The following FGF14 variants were observed in gnomAD, a reference collection of about 807,000 sequenced individuals.
FGF14 encodes fibroblast growth factor homologous factor 4.
Under a neutral mutation model 25.5 loss-of-function variants are expected in FGF14, and 5 were observed. The observed-to-expected ratio is 0.20, with a 90% CI of 0.10 to 0.41. FGF14 has a LOEUF of 0.41. Among genes scored for constraint, FGF14 ranks in the 10% least tolerant of loss-of-function variants. FGF14 has a pLI of 1.00. For synonymous variants in FGF14, 138 were observed against 118.3 expected (o/e 1.17, Z -1.08); for missense variants, 222 against 320.1 (o/e 0.69, Z 2.34).
At chr13:101,851,681 G>T (rs191489807) in intron 3 of FGF14, among the ~76,000 whole-genome samples, 3 of 151,846 alleles carry the variant, frequency 2.0e-5, no homozygotes, top group Admixed American at 1.3e-4. Context: ...CCTCCTCCTC[G>T]TCGTCTTCAT....
intron 1 of FGF14, among the ~76,000 whole-genome samples, chr13:102,001,750 A>C (rs1016321974): frequency 3.3e-5 from 5 of 152,220 alleles, no homozygotes; most frequent in African/African-American, 1.2e-4. Context: ...CTGTCAAGGA[A>C]ATAACATCTA....
intron 3 of FGF14, among the ~76,000 whole-genome samples, chr13:101,737,822 C>A (rs1026031104): frequency 3.3e-5 from 5 of 151,984 alleles, no homozygotes; most frequent in Non-Finnish European, 7.4e-5. Context: ...TTAAATTAGA[C>A]CTTTATATCA....
intron 1 of FGF14, among the ~76,000 whole-genome samples, chr13:102,171,825 G>A (rs1003637920): frequency 2.0e-5 from 3 of 151,322 alleles, no homozygotes; most frequent in Non-Finnish European, 4.4e-5. Flanking sequence ...ACACTCATGA[G>A]TTGGACATTG....
At chr13:102,129,374 T>C (rs879813308) in intron 1 of FGF14, among the ~76,000 whole-genome samples, 3 of 152,154 alleles carry the variant, frequency 2.0e-5, no homozygotes, top group Admixed American at 1.3e-4. Context: ...ATTAATAAAT[T>C]TGATGTGATA....
intron 3 of FGF14, among the ~76,000 whole-genome samples, chr13:101,730,304 GTA>G (rs372611559): frequency 8.1e-4 from 123 of 152,282 alleles, no homozygotes; most frequent in African/African-American, 2.8e-3. Context: ...TAGCACATGA[GTA>G]TATGTGTGTT....
chr13:102,039,342 C>T (rs75878267), intron 1 of FGF14, among the ~76,000 whole-genome samples: 4,594 of 152,162 alleles, frequency 0.03, 224 homozygotes, highest in African/African-American at 0.097. Flanking sequence ...CCACAGCTTC[C>T]GAGTGGGTCT....
chr13:102,008,305 CTTA>C (rs2039908306), intron 1 of FGF14, among the ~76,000 whole-genome samples: 1 of 152,118 alleles, frequency 6.6e-6, no homozygotes, highest in Non-Finnish European at 1.5e-5. Context: ...TACTAAATTT[CTTA>C]TTATTTCCCA....
rs1471245963 is a variant in FGF14 at position 102,401,375 on chromosome 13, C to T, written c.208+96G>A. ...CTGTCCTGGTTCCTGGTATGTTTCC[C>T]CTGCCTTCCTGCATAGCAGAACTGC... On this transcript the variant is annotated intron_variant, in intron 1 of 4. Coordinates refer to the FGF14 transcript ENST00000376131. The T allele has an allele frequency of 2.8e-5, 33 of 1,167,156 alleles. 1 individual carries two copies. In the South Asian group the frequency reaches 3.0e-4, roughly 11 times the overall value. 72.3% of individuals were successfully genotyped at this position (1,167,156 alleles called of 1,614,324 possible).
intron 3 of FGF14, among the ~76,000 whole-genome samples, chr13:101,763,708 A>G (rs2038197972): frequency 6.6e-6 from 1 of 152,094 alleles, no homozygotes; most frequent in African/African-American, 2.4e-5. Context: ...GAAAATACAA[A>G]AACTAGCCAG....
At chr13:102,109,496 A>G (rs2045107699) in intron 1 of FGF14, among the ~76,000 whole-genome samples, 1 of 152,214 alleles carries the variant, frequency 6.6e-6, no homozygotes, top group Non-Finnish European at 1.5e-5. Flanking sequence ...GTGTATATAT[A>G]TCAAAACACC....
intron 3 of FGF14, among the ~76,000 whole-genome samples, chr13:101,819,696 T>A (rs541466660): frequency 1.3e-5 from 2 of 152,356 alleles, no homozygotes; most frequent in South Asian, 4.1e-4. Flanking sequence ...TTTCTAGCAA[T>A]GATACTCATT....
intron 1 of FGF14, among the ~76,000 whole-genome samples, chr13:102,135,300 T>C (rs960875452): frequency 2.6e-5 from 4 of 152,084 alleles, no homozygotes; most frequent in East Asian, 1.9e-4. Context: ...GAACACAGCA[T>C]TGTCTCCTCT....
chr13:101,966,777 G>A (rs2037230017), intron 1 of FGF14, among the ~76,000 whole-genome samples: 1 of 152,052 alleles, frequency 6.6e-6, no homozygotes, highest in African/African-American at 2.4e-5. Flanking sequence ...CACCGCGCCT[G>A]GCCAAATCAT....
intron 1 of FGF14, among the ~76,000 whole-genome samples, chr13:102,282,212 A>G (rs1364056958): frequency 4.6e-5 from 7 of 152,096 alleles, no homozygotes; most frequent in South Asian, 4.2e-4. Context: ...GATTACAGGC[A>G]TGCACTACCA....
At chr13:101,934,411 A>G (rs1451094022) in intron 1 of FGF14, among the ~76,000 whole-genome samples, 1 of 152,188 alleles carries the variant, frequency 6.6e-6, no homozygotes, top group Non-Finnish European at 1.5e-5. Context: ...TGTGGTATCT[A>G]TAGATATCAG....
At chr13:101,734,437 A>G (rs112249278) in intron 3 of FGF14, among the ~76,000 whole-genome samples, 8 of 152,346 alleles carry the variant, frequency 5.3e-5, no homozygotes, top group South Asian at 2.1e-4. Context: ...TTGTTCTACA[A>G]TGTAAAATCT....
At chr13:101,962,450 A>G (rs951108633) in intron 1 of FGF14, among the ~76,000 whole-genome samples, 1 of 152,178 alleles carries the variant, frequency 6.6e-6, no homozygotes, top group African/African-American at 2.4e-5. Context: ...TAATTTTGAT[A>G]TAATATTAGG....
chr13:102,292,278 C>CAAAA lies in FGF14; in HGVS notation c.208+109189_208+109192dup, dbSNP rs10593906. 134 of 66,774 alleles carry CAAAA rather than the reference C, an allele frequency of 2.0e-3. 8 individuals are homozygous for CAAAA. The highest frequency in any genetic ancestry group is 6.8e-3 in the East Asian group (14 of 2,060). The allele number at this position is 66,774 out of a possible 1,614,324, so 4.1% of individuals were successfully genotyped here. On this transcript the variant is annotated intron_variant, in intron 1 of 4. Transcript: ENST00000376131. ...ATATTTCCTACCTTATACTCTATAG[C>CAAAA]AAAAAAAAAAAAAAAAAAAAAAAAA...
At chr13:102,108,795 G>C (rs2045062642) in intron 1 of FGF14, among the ~76,000 whole-genome samples, 1 of 152,130 alleles carries the variant, frequency 6.6e-6, no homozygotes, top group East Asian at 1.9e-4. Flanking sequence ...AGGATAAAAG[G>C]ATTTTAAAGA....
Sources: allele counts gnomAD v4.1 joint callset (sites outside exome capture counted in the v4.1 genomes callset), GRCh38; gene constraint gnomAD v4.1.1; transcripts MANE v1.5; gene names NCBI Gene and HGNC (gene_info 2026-07-23, HGNC 2026-07-21).